The following PACRG variants were observed in gnomAD, a reference collection of about 807,000 sequenced individuals.
The protein encoded by PACRG is parkin coregulated, also known as parkin coregulated gene protein.
In PACRG, 29 loss-of-function variants were observed where a neutral mutation model predicts 29.7. The observed-to-expected ratio is 0.98, with a 90% CI of 0.73 to 1.33. The LOEUF (loss-of-function observed/expected upper bound fraction) is 1.33. Among genes scored for constraint, PACRG ranks in the 40% most tolerant of loss-of-function variants. PACRG has a pLI of 0.00. For missense variants in PACRG, 279 were observed against 316.2 expected, an observed-to-expected ratio of 0.88 and a Z score of 0.89; for synonymous variants, 116 against 118.7, an observed-to-expected ratio of 0.98 and a Z score of 0.15.
intron 2 of PACRG, among the ~76,000 whole-genome samples, chr6:163,026,320 C>T (rs1022862729): frequency 6.6e-6 from 1 of 152,190 alleles, no homozygotes. Context: ...TTCTTCCCTG[C>T]ATATTTCACA....
intron 4 of PACRG, among the ~76,000 whole-genome samples, chr6:163,215,008 AT>A (rs1390113044): frequency 6.6e-6 from 1 of 152,160 alleles, no homozygotes; most frequent in African/African-American, 2.4e-5. Context: ...TATGTAAGTT[AT>A]ATAATTTACC....
chr6:162,837,424 A>G (rs555430949), intron 2 of PACRG, among the ~76,000 whole-genome samples: 1 of 152,162 alleles, frequency 6.6e-6, no homozygotes, highest in Non-Finnish European at 1.5e-5. Flanking sequence ...AAGAGGAGAT[A>G]GAATTGGCAA....
At chr6:162,880,188 C>T (rs777097601) in intron 2 of PACRG, among the ~76,000 whole-genome samples, 32 of 152,102 alleles carry the variant, frequency 2.1e-4, no homozygotes, top group Non-Finnish European at 3.4e-4. Flanking sequence ...GTTTGTTGTC[C>T]CTGTATAAAA....
chr6:162,794,834 C>A (rs903386111), intron 1 of PACRG, among the ~76,000 whole-genome samples: 1 of 152,058 alleles, frequency 6.6e-6, no homozygotes, highest in African/African-American at 2.4e-5. Flanking sequence ...CCTCATGGAG[C>A]TTATAATTCA....
intron 4 of PACRG, chr6:163,183,009 G>C (rs1779745513): frequency 6.6e-6 from 1 of 152,220 alleles, no homozygotes; most frequent in Admixed American, 6.5e-5. Flanking sequence ...TAGTTTAGAA[G>C]ATGCAGTCTT....
intron 2 of PACRG, among the ~76,000 whole-genome samples, chr6:162,976,227 G>T (rs1309492104): frequency 1.3e-5 from 2 of 152,196 alleles, no homozygotes; most frequent in Non-Finnish European, 2.9e-5. Context: ...AACTTAAATT[G>T]TAAGTTTGAG....
intron 1 of PACRG, among the ~76,000 whole-genome samples, chr6:162,798,130 C>T (rs1785534342): frequency 6.6e-6 from 1 of 152,108 alleles, no homozygotes; most frequent in Admixed American, 6.5e-5. Flanking sequence ...TTGATTTTTC[C>T]TAAATGCTTA....
rs200948842 is a variant in PACRG, at chr6:163,055,362, ACG to A, written c.292-6786_292-6785del. Among the ~76,000 whole-genome samples the A allele has an allele frequency of 4.4e-4, 67 of 152,120 alleles. 2 individuals carry two copies. In the East Asian group the frequency reaches 0.013, roughly 29 times the overall value. ...CACATGCACACACACACGCACACAC[ACG>A]CACACATATACACACATGCACTCAC... On this transcript the variant is annotated intron_variant, in intron 2 of 4. Transcript: ENST00000366888. This position sits in a 1 kb window ranked among gnomAD's most constrained non-coding sequence, Gnocchi z 4.0.
chr6:163,162,935 C>A (rs1778619166), intron 4 of PACRG, among the ~76,000 whole-genome samples: 1 of 152,152 alleles, frequency 6.6e-6, no homozygotes, highest in Admixed American at 6.5e-5. Context: ...CAGCACAGAG[C>A]CAGGGAGGTG....
chr6:162,771,573 T>C (rs1783222016), intron 1 of PACRG, among the ~76,000 whole-genome samples: 1 of 152,084 alleles, frequency 6.6e-6, no homozygotes, highest in Non-Finnish European at 1.5e-5. Context: ...ACCAGGTGTA[T>C]TTTGTACTTT....
intron 4 of PACRG, among the ~76,000 whole-genome samples, chr6:163,177,538 G>A (rs1008431518): frequency 6.6e-6 from 1 of 151,976 alleles, no homozygotes; most frequent in Non-Finnish European, 1.5e-5. Context: ...AAAGGCTCCA[G>A]GCTGTGGAGG....
intron 2 of PACRG, among the ~76,000 whole-genome samples, chr6:163,027,521 C>T (rs557987286): frequency 1.3e-5 from 2 of 152,240 alleles, no homozygotes; most frequent in East Asian, 3.9e-4. Context: ...AGGTGATTCT[C>T]AATGTACACT....
rs532124744 is a variant in PACRG at position 163,312,947 on chromosome 6, G to A, written c.614-1880G>A. The A allele has an allele frequency of 6.0e-5, 15 of 248,884 alleles. 1 individual carries two copies. Among genetic ancestry groups the A allele is most frequent in the South Asian group, 2.1e-4 (6 of 28,822 alleles). 15.4% of individuals were successfully genotyped at this position (248,884 alleles called of 1,614,324 possible). A position where few individuals can be genotyped will look rare whatever the true frequency, so the allele number is the denominator to read the frequency against. On this transcript the variant is annotated intron_variant, in intron 4 of 4. Transcript: ENST00000366888. ...TTTTAATTTCTTTTATAGAGATGGG[G>A]TCTTGCTGTTGTTGCTCAGGCTGGT...
intron 2 of PACRG, among the ~76,000 whole-genome samples, chr6:162,997,987 C>A (rs1449281609): frequency 6.6e-6 from 1 of 152,168 alleles, no homozygotes; most frequent in Non-Finnish European, 1.5e-5. Context: ...AACAGTATGT[C>A]CTTAAACAAG....
At chr6:162,790,844 C>G (rs979580235) in intron 1 of PACRG, among the ~76,000 whole-genome samples, 1 of 152,170 alleles carries the variant, frequency 6.6e-6, no homozygotes, top group African/African-American at 2.4e-5. Context: ...CTGAATAAGT[C>G]TTTTAACTTA....
intron 4 of PACRG, among the ~76,000 whole-genome samples, chr6:163,302,766 G>A (rs1023868815): frequency 2.0e-5 from 3 of 152,208 alleles, no homozygotes; most frequent in Admixed American, 2.0e-4. Context: ...CAGAAATGGT[G>A]TAACGTGTTT....
chr6:162,907,379 C>A (rs1215870399), intron 2 of PACRG, among the ~76,000 whole-genome samples: 2 of 152,032 alleles, frequency 1.3e-5, no homozygotes, highest in Non-Finnish European at 2.9e-5. Flanking sequence ...TGAAATTAAA[C>A]AATTTTTCTT....
chr6:163,015,141 A>T (rs1805977359), intron 2 of PACRG, among the ~76,000 whole-genome samples: 1 of 152,150 alleles, frequency 6.6e-6, no homozygotes, highest in African/African-American at 2.4e-5. Flanking sequence ...CAACTTCATC[A>T]AAGATTAGAT....
At chr6:162,931,547 G>T (rs1797854038) in intron 2 of PACRG, among the ~76,000 whole-genome samples, 1 of 151,942 alleles carries the variant, frequency 6.6e-6, no homozygotes, top group South Asian at 2.1e-4. Flanking sequence ...ATATGCAGTT[G>T]TTTCAGCACC....
Sources: allele counts gnomAD v4.1 joint callset (sites outside exome capture counted in the v4.1 genomes callset), GRCh38; gene constraint gnomAD v4.1.1; non-coding constraint Gnocchi (gnomAD v3.1); transcripts MANE v1.5; gene names NCBI Gene and HGNC (gene_info 2026-07-23, HGNC 2026-07-21).